Variants in GABRB3 observed in about 807,000 individuals in gnomAD.
GABRB3 encodes gamma-aminobutyric acid type A receptor subunit beta3.
A neutral mutation model predicts 52.1 loss-of-function variants in GABRB3; 14 were observed. The ratio of observed to expected loss-of-function variants is 0.27; its 90% confidence interval spans 0.18 to 0.42. GABRB3 has a LOEUF of 0.42. Among genes scored for constraint, GABRB3 ranks in the 10% least tolerant of loss-of-function variants. GABRB3 has a pLI of 1.00. For missense variants in GABRB3, 307 were observed against 609.1 expected (o/e 0.50, Z 5.22); for synonymous variants, 260 against 232.3 (o/e 1.12, Z -1.08).
At chr15:26,718,666 T>C (rs1287734945) in intron 3 of GABRB3, among the ~76,000 whole-genome samples, 2 of 152,156 alleles carry the variant, frequency 1.3e-5, no homozygotes, top group African/African-American at 4.8e-5. Flanking sequence ...ATAATCCACC[T>C]TTCCTCCTTA....
At chr15:26,583,176 A>G (rs1482182280) in intron 5 of GABRB3, among the ~76,000 whole-genome samples, 156 bp downstream of exon 5, 1 of 152,098 alleles carries the variant, frequency 6.6e-6, no homozygotes, top group Non-Finnish European at 1.5e-5. Context: ...ACTCTTTTAT[A>G]CTGAGTCTCT....
chr15:26,674,920 T>G (rs930784644), intron 3 of GABRB3, among the ~76,000 whole-genome samples: 2 of 152,214 alleles, frequency 1.3e-5, no homozygotes, highest in African/African-American at 4.8e-5. Context: ...TGTTTTCTCC[T>G]TGAGGTCAAG....
intron 6 of GABRB3, among the ~76,000 whole-genome samples, chr15:26,576,910 C>G (rs1595453687): frequency 6.6e-6 from 1 of 152,124 alleles, no homozygotes; most frequent in East Asian, 1.9e-4. Flanking sequence ...TACTCATACC[C>G]TAGAAAGTAG....
At chr15:26,716,680 C>T (rs1203639397) in intron 3 of GABRB3, 1 of 1,007,780 alleles carries the variant, frequency 9.9e-7, no homozygotes, top group Non-Finnish European at 1.2e-6. Flanking sequence ...CTTTAAGAAT[C>T]ATCCAATTAT....
rs550102612 is a variant in GABRB3 at position 26,586,921 on chromosome 15, G to C, written c.462-3507C>G. On this transcript the variant is annotated intron_variant, in intron 4 of 8. Transcript: ENST00000311550. ...GAAAATGGGGAGGTGATGAGCAAAG[G>C]GTAGACAATTTCAAACAGGGAGAAT... Among the ~76,000 whole-genome samples, 64 of 152,128 alleles carry C rather than the reference G, an allele frequency of 4.2e-4. 1 individual carries two copies. In the South Asian group the frequency reaches 0.013, roughly 31 times the overall value.
chr15:26,619,879 G>A (rs1385134983), intron 4 of GABRB3, among the ~76,000 whole-genome samples: 3 of 144,232 alleles, frequency 2.1e-5, no homozygotes, highest in Admixed American at 6.9e-5. Flanking sequence ...CATCCACAAT[G>A]CACACCAACA....
chr15:26,606,789 T>TATCGATAGATAGATATATCG lies in GABRB3; in HGVS notation c.461+14524_461+14525insCGATATATCTATCTATCGAT, dbSNP rs145598967. 1.4e-3 allele frequency among the ~76,000 whole-genome samples: 177 copies of TATCGATAGATAGATATATCG among 122,862 alleles called. 2 individuals are homozygous for TATCGATAGATAGATATATCG. The highest frequency in any genetic ancestry group is 5.5e-3 in the African/African-American group (171 of 30,938). The allele number at this position is 122,862 out of a possible 152,430, so 80.6% of individuals were successfully genotyped here. On this transcript the variant is annotated intron_variant, in intron 4 of 8. Coordinates refer to ENST00000311550, the MANE Select transcript of GABRB3 (RefSeq NM_000814.6). ...CTATCTATAGATAGATAGATATATC[T>TATCGATAGATAGATATATCG]ATAGATAGATATATCTATAGATAGA...
intron 3 of GABRB3, among the ~76,000 whole-genome samples, chr15:26,732,308 G>GGATA (rs1889947162): frequency 1.2e-5 from 1 of 84,630 alleles, no homozygotes; most frequent in African/African-American, 4.6e-5. Context: ...ATGGATGGAT[G>GGATA]GATGGATGGA....
intron 4 of GABRB3, among the ~76,000 whole-genome samples, chr15:26,620,903 T>A (rs1892458197): frequency 6.6e-6 from 1 of 152,064 alleles, no homozygotes; most frequent in African/African-American, 2.4e-5. Context: ...CCGTAGAGAG[T>A]AAACCCTACA....
intron 3 of GABRB3, among the ~76,000 whole-genome samples, chr15:26,704,576 T>C (rs1446757799): frequency 6.6e-6 from 1 of 151,816 alleles, no homozygotes; most frequent in African/African-American, 2.4e-5. Flanking sequence ...TAATTATAAA[T>C]CATCTTTAAA....
At chr15:26,750,579 CT>C (rs1443413380) in intron 3 of GABRB3, among the ~76,000 whole-genome samples, 2 of 152,064 alleles carry the variant, frequency 1.3e-5, no homozygotes, top group East Asian at 3.9e-4. Context: ...GGGCAGAATA[CT>C]CAGAGACAAG....
chr15:26,624,957 C>G, intron 3 of GABRB3: 5 of 985,458 alleles, frequency 5.1e-6, no homozygotes, highest in Non-Finnish European at 6.0e-6. Context: ...GCAAACTCCA[C>G]GCCCTGTGCT....
intron 7 of GABRB3, among the ~76,000 whole-genome samples, chr15:26,563,777 G>C (rs893888037): frequency 6.6e-6 from 1 of 152,140 alleles, no homozygotes; most frequent in Non-Finnish European, 1.5e-5. Context: ...GAAATGGCTG[G>C]GTGGTGGCTT....
intron 7 of GABRB3, among the ~76,000 whole-genome samples, chr15:26,562,433 G>C (rs968316242): frequency 5.3e-5 from 8 of 152,164 alleles, no homozygotes; most frequent in Admixed American, 5.2e-4. Flanking sequence ...TTTCAAAGGA[G>C]AGAGCTTAAC....
At chr15:26,568,684 G>GGGTTTTTTTTTTTT (rs1555402038) in intron 6 of GABRB3, among the ~76,000 whole-genome samples, 2 of 133,668 alleles carry the variant, frequency 1.5e-5, no homozygotes, top group Non-Finnish European at 3.2e-5. Context: ...TTTTTTTTTG[G>GGGTTTTTTTTTTTT]TTTTGTATGT....
intron 3 of GABRB3, among the ~76,000 whole-genome samples, chr15:26,720,351 C>T (rs1414807094): frequency 6.6e-6 from 1 of 152,120 alleles, no homozygotes; most frequent in Non-Finnish European, 1.5e-5. Flanking sequence ...TTACCTGTCA[C>T]CTCTATCAGC....
chr15:26,760,809 G>GCACACACACACACACACACACA lies in GABRB3; in HGVS notation c.240+11592_240+11593insTGTGTGTGTGTGTGTGTGTGTG, dbSNP rs10522762. On this transcript the variant is annotated intron_variant, in intron 3 of 8. Transcript: ENST00000311550. ...AATGCCAACACACACACACGCGCAC[G>GCACACACACACACACACACACA]CACACACACACACACACAAGCAAAC... Among the ~76,000 whole-genome samples, 205 of 149,396 alleles carry GCACACACACACACACACACACA rather than the reference G, an allele frequency of 1.4e-3. 1 individual carries two copies. Among genetic ancestry groups the GCACACACACACACACACACACA allele is most frequent in the Middle Eastern group, 3.4e-3 (1 of 290 alleles).
chr15:26,568,875 C>T (rs1890288264), intron 6 of GABRB3, among the ~76,000 whole-genome samples: 1 of 152,022 alleles, frequency 6.6e-6, no homozygotes, highest in African/African-American at 2.4e-5. Flanking sequence ...TTTCAATAGG[C>T]CACTTTCTCA....
At chr15:26,743,915 A>C (rs1157072001) in intron 3 of GABRB3, among the ~76,000 whole-genome samples, 1 of 151,882 alleles carries the variant, frequency 6.6e-6, no homozygotes. Context: ...GATTTCTCTA[A>C]AACAAACTTC....
Sources: allele counts gnomAD v4.1 joint callset (sites outside exome capture counted in the v4.1 genomes callset), GRCh38; gene constraint gnomAD v4.1.1; transcripts MANE v1.5; gene names NCBI Gene and HGNC (gene_info 2026-07-23, HGNC 2026-07-21).